STYXL2: variants seen among roughly 807,000 people sequenced by gnomAD.
The protein encoded by STYXL2 is serine/threonine/tyrosine-interacting-like protein 2.
In STYXL2, 44 loss-of-function variants were observed where a neutral mutation model predicts 52.4. That is an observed-to-expected ratio of 0.84 (90% CI 0.66 to 1.08). The LOEUF (loss-of-function observed/expected upper bound fraction) is 1.08, where lower values mean the gene tolerates loss of function less well. Among genes scored for constraint, STYXL2 ranks in the 50% least tolerant of loss-of-function variants. The pLI, the probability that STYXL2 is intolerant of heterozygous loss-of-function variation, is 0.00. For synonymous variants in STYXL2, 604 were observed against 586.9 expected, an observed-to-expected ratio of 1.03 and a Z score of -0.42; for missense variants, 1,604 against 1,471.7, an observed-to-expected ratio of 1.09 and a Z score of -1.47.
Position 167,119,339 on chromosome 1 carries a change from C to T in STYXL2, c.528C>T (p.Pro176=), listed in dbSNP as rs1218860277. 6.2e-6 allele frequency: 10 copies of T among 1,614,228 alleles called. No homozygotes were observed. Among genetic ancestry groups the T allele is most frequent in the Non-Finnish European group, 8.5e-6 (10 of 1,180,042 alleles). Residue 176 remains proline, a synonymous_variant, in exon 5 of 6, where the codon CCC becomes CCT. Coordinates refer to ENST00000361200, the MANE Select transcript of STYXL2 (RefSeq NM_001080426.3). ...ATGGCACCGGCGTTTACACTGGCCC[C>T]GAATTCTACACTGGCCTGGAGATCC... ...AAHGTGVYTG[P]EFYTGLEIQY... is the part of the protein sequence containing the mutation.
intron 2 of STYXL2, among the ~76,000 whole-genome samples, chr1:167,096,505 A>G (rs1258273878): frequency 6.6e-6 from 1 of 152,224 alleles, no homozygotes. Flanking sequence ...TCAAGAACTA[A>G]GACTCCTTCT....
Position 167,127,553 on chromosome 1 carries a change from C to T in STYXL2, c.2422C>T (p.Pro808Ser), listed in dbSNP as rs768961009. The change falls in exon 6 of 6, where the codon CCC (proline) becomes TCC (serine). Residue 808 changes from proline (P) to serine (S), a missense_variant. By Grantham distance (74) the Pro-to-Ser change is moderately conservative. Transcript: ENST00000361200. The stretch of plus-strand genomic sequence containing the variant: ...GTCCTGCAACACCACACTGAGCTCA[C>T]CCGCGGAAAGTTGCAGAAGCAAAGT... ...VLSCNTTLSS[P>S]AESCRSKVRG... 1.2e-6 allele frequency: 2 copies of T among 1,614,048 alleles called. No individual in the cohort carries two copies. The highest frequency in any genetic ancestry group is 8.5e-7 in the Non-Finnish European group (1 of 1,179,992).
intron 4 of STYXL2, among the ~76,000 whole-genome samples, chr1:167,117,852 T>C (rs1251865917): frequency 5.9e-5 from 9 of 152,238 alleles, no homozygotes; most frequent in Admixed American, 5.9e-4. Context: ...TCTTGCCGAC[T>C]TCACCATCTC....
intron 2 of STYXL2, among the ~76,000 whole-genome samples, chr1:167,099,282 AG>A (rs1310558961): frequency 1.3e-5 from 2 of 152,244 alleles, no homozygotes; most frequent in Admixed American, 1.3e-4. Flanking sequence ...AAAAATCAAA[AG>A]AATCATTTTT....
intron 2 of STYXL2, among the ~76,000 whole-genome samples, chr1:167,101,427 T>G (rs991676816): frequency 6.6e-6 from 1 of 152,196 alleles, no homozygotes; most frequent in African/African-American, 2.4e-5. Flanking sequence ...CTTACAAAAT[T>G]AAACATACAT....
chr1:167,107,951 A>T (rs886889935), intron 2 of STYXL2, among the ~76,000 whole-genome samples: 63 of 152,322 alleles, frequency 4.1e-4, no homozygotes, highest in African/African-American at 1.5e-3. Context: ...AGGCTGCAGA[A>T]ATGGACTTCT....
rs376336322 is a variant in STYXL2, at chr1:167,117,381, T to C, written c.259T>C (p.Ser87Pro). 259 of 1,612,566 alleles carry C rather than the reference T, an allele frequency of 1.6e-4. 1 individual carries two copies. The South Asian group carries it at 2.6e-3, about 16-fold the overall frequency. The change falls in exon 4 of 6, where the codon TCT becomes CCT. Residue 87 changes from serine to proline, a missense_variant. Ser to Pro is a moderately conservative substitution (Grantham distance 74, BLOSUM62 -1). Transcript: ENST00000361200. ...ADAECPGMLE[S>P]AEQLLVEDLY... ...CGCAGAGTGTCCAGGCATGCTGGAG[T>C]CTGCTGAACAGCTGCTGGTGGAGGA...
intron 2 of STYXL2, among the ~76,000 whole-genome samples, chr1:167,113,388 C>A (rs984046694): frequency 6.6e-6 from 1 of 152,148 alleles, no homozygotes; most frequent in Non-Finnish European, 1.5e-5. Context: ...AAATGAGCAG[C>A]GGGACATCCA....
At chr1:167,110,676 C>T (rs1667599115) in intron 2 of STYXL2, among the ~76,000 whole-genome samples, 1 of 152,156 alleles carries the variant, frequency 6.6e-6, no homozygotes, top group Non-Finnish European at 1.5e-5. Context: ...TGCCATTTTT[C>T]CACCTTGGTG....
intron 4 of STYXL2, 72 bp downstream of exon 4, chr1:167,117,631 C>T: frequency 7.3e-7 from 1 of 1,370,396 alleles, no homozygotes; most frequent in South Asian, 1.4e-5. Flanking sequence ...CGAAACTCCC[C>T]CAACTTTCAC....
chr1:167,107,838 A>G (rs924719039), intron 2 of STYXL2, among the ~76,000 whole-genome samples: 8 of 152,224 alleles, frequency 5.3e-5, no homozygotes, highest in African/African-American at 1.7e-4. Flanking sequence ...TAGAAGTGCC[A>G]TAAAAACAGG....
At chr1:167,108,597 A>G (rs1667554361) in intron 2 of STYXL2, among the ~76,000 whole-genome samples, 1 of 151,932 alleles carries the variant, frequency 6.6e-6, no homozygotes, top group African/African-American at 2.4e-5. Flanking sequence ...TTTAACATCC[A>G]AAATAATTTG....
chr1:167,108,646 GA>G (rs1667555506), intron 2 of STYXL2, among the ~76,000 whole-genome samples: 2 of 148,578 alleles, frequency 1.3e-5, no homozygotes, highest in African/African-American at 2.5e-5. Context: ...TTATGGGGGG[GA>G]AAAATGGCAG....
chr1:167,127,338 C>T lies in STYXL2; in HGVS notation c.2207C>T (p.Ala736Val), dbSNP rs1667997425. 1 of 1,614,054 alleles carries T rather than the reference C, an allele frequency of 6.2e-7. No homozygotes were observed. Among genetic ancestry groups the T allele is most frequent in the African/African-American group, 1.3e-5 (1 of 74,916 alleles). ...GCCAATGTAGTCAGTGAGACCCTTG[C>T]TCAGAAGCAAAATGAAATGCTGCTG... The part of the protein sequence containing the change: ...WIANVVSETL[A>V]QKQNEMLLLS... The change falls in exon 6 of 6, where the codon GCT (alanine) becomes GTT (valine). Residue 736 changes from alanine to valine, a missense_variant. By Grantham distance (64) the Ala-to-Val change is moderately conservative (BLOSUM62 0). Transcript: ENST00000361200.
At position 167,127,375 on chromosome 1, in the gene STYXL2, A is replaced by G. The variant is rs772298564; in HGVS notation, c.2244A>G (p.Ser748=). ...ATGAAATGCTGCTGTTGTCCCGCTC[A>G]CCGTCTGTTGCAAGCATGAAGGCAG... is the stretch of plus-strand genomic sequence containing the variant. ...KQNEMLLLSR[S]PSVASMKAVP... The change falls in exon 6 of 6, where the codon TCA becomes TCG. Residue 748 remains serine (S), a synonymous_variant. Coordinates refer to ENST00000361200, the MANE Select transcript of STYXL2 (RefSeq NM_001080426.3). The G allele has an allele frequency of 5.2e-5, 84 of 1,614,044 alleles. No individual in the cohort carries two copies. Among genetic ancestry groups the G allele is most frequent in the Non-Finnish European group, 6.7e-5 (79 of 1,180,048 alleles).
At position 167,108,997 on chromosome 1, in the gene STYXL2, A is replaced by G. The variant is rs567671036; in HGVS notation, c.111-4713A>G. Among the ~76,000 whole-genome samples, 4 of 152,330 alleles carry G rather than the reference A, an allele frequency of 2.6e-5. No individual in the cohort carries two copies. The South Asian group carries it at 8.3e-4, about 32-fold the overall frequency. On this transcript the variant is annotated intron_variant, in intron 2 of 5. Transcript: ENST00000361200. ...AACATATAAAAGTAGAAGAAGCAGC[A>G]GGAAGAGCCCTGTAAGCACTCTCAG...
chr1:167,128,630 C>A lies in STYXL2; in HGVS notation c.*22C>A, dbSNP rs1357147293. The A allele has an allele frequency of 1.9e-6, 3 of 1,594,474 alleles. No individual in the cohort carries two copies. Among genetic ancestry groups the A allele is most frequent in the Non-Finnish European group, 2.6e-6 (3 of 1,174,016 alleles). On this transcript the variant is annotated 3_prime_UTR_variant, in exon 6 of 6. Transcript: ENST00000361200. ...CTGAGCTGGGGAAAATCTGAGAACA[C>A]TGAAAGAAACCACTCACGTTAGCAT...
In STYXL2 at chr1:167,099,204, T is replaced by G. The variant is rs905127957; in HGVS notation, c.110+4245T>G. Among the ~76,000 whole-genome samples, 11 of 152,096 alleles carry G rather than the reference T, an allele frequency of 7.2e-5. No homozygotes were observed. The East Asian group carries it at 2.1e-3, about 29-fold the overall frequency. On this transcript the variant is annotated intron_variant, in intron 2 of 5. Coordinates refer to ENST00000361200, the MANE Select transcript of STYXL2 (RefSeq NM_001080426.3). Reference sequence around the variant, plus strand: ...AAACTGACAGAACTGAATGAAAAATTAAAAGCCACAATCTCCCTCAACTGT... The same window carrying G: ...AAACTGACAGAACTGAATGAAAAATGAAAAGCCACAATCTCCCTCAACTGT...
At chr1:167,111,711 T>G (rs1667627232) in intron 2 of STYXL2, among the ~76,000 whole-genome samples, 1 of 151,638 alleles carries the variant, frequency 6.6e-6, no homozygotes, top group Non-Finnish European at 1.5e-5. Flanking sequence ...GGCAAAGGCA[T>G]AAGAATGATA....
Sources: allele counts gnomAD v4.1 joint callset (sites outside exome capture counted in the v4.1 genomes callset), GRCh38; gene constraint gnomAD v4.1.1; transcripts MANE v1.5; gene names NCBI Gene and HGNC (gene_info 2026-07-23, HGNC 2026-07-21).